The following C10orf67 variants were observed in gnomAD, a reference collection of about 807,000 sequenced individuals.
C10orf67 encodes uncharacterized protein C10orf67, mitochondrial.
In C10orf67, 60 loss-of-function variants were observed where a neutral mutation model predicts 35.6. The ratio of observed to expected loss-of-function variants is 1.68; its 90% confidence interval spans 1.37 to 2.09. The LOEUF is 2.09. Ranked by LOEUF, C10orf67 falls within the 30% of genes most tolerant of loss-of-function variation. The pLI is 0.00. For synonymous variants in C10orf67, 167 were observed against 115.8 expected, an observed-to-expected ratio of 1.44 and a Z score of -2.84; for missense variants, 474 against 330.2, an observed-to-expected ratio of 1.44 and a Z score of -3.38.
chr10:23,241,853 A>T (rs1842188771), intron 12 of C10orf67, among the ~76,000 whole-genome samples: 1 of 152,196 alleles, frequency 6.6e-6, no homozygotes, highest in South Asian at 2.1e-4. Context: ...AAAACTAATG[A>T]TAACAAAAGA....
At chr10:23,317,237 A>T (rs1844755542) in intron 4 of C10orf67, 1 of 152,436 alleles carries the variant, frequency 6.6e-6, no homozygotes, top group Non-Finnish European at 1.5e-5. Flanking sequence ...CTGGGTCATA[A>T]CAGCGCCTGG....
intron 8 of C10orf67, among the ~76,000 whole-genome samples, chr10:23,269,046 C>A (rs964433811): frequency 1.3e-5 from 2 of 152,148 alleles, no homozygotes; most frequent in Non-Finnish European, 2.9e-5. Context: ...GTTTAAAAAT[C>A]ATTTTCTTCA....
At chr10:23,329,356 T>C (rs924063884) in intron 2 of C10orf67, among the ~76,000 whole-genome samples, 2 of 151,992 alleles carry the variant, frequency 1.3e-5, no homozygotes, top group Non-Finnish European at 2.9e-5. Flanking sequence ...TAGAAAAACA[T>C]AACATCAAAA....
In C10orf67 at chr10:23,344,589, C is replaced by A; in HGVS notation, c.186G>T (p.Pro62=). The part of the protein sequence containing the change: ...RKREAREFKP[P]QMRGSTRLNI... The stretch of plus-strand genomic sequence containing the variant: ...CCTACCTCGTGGACCCGCGCATTTG[C>A]GGGGGCTTGAATTCCCGAGCTTCTC... The change falls in exon 1 of 16, where the codon CCG becomes CCT. Residue 62 remains proline, a synonymous_variant. Transcript: ENST00000636213. 2 of 1,578,592 alleles carry A rather than the reference C, an allele frequency of 1.3e-6. No individual in the cohort carries two copies. The highest frequency in any genetic ancestry group is 1.7e-6 in the Non-Finnish European group (2 of 1,163,152).
chr10:23,313,232 C>CT (rs1844565796), intron 4 of C10orf67, among the ~76,000 whole-genome samples: 1 of 152,230 alleles, frequency 6.6e-6, no homozygotes, highest in African/African-American at 2.4e-5. Flanking sequence ...TATTATCTCT[C>CT]TTGACCACTG....
In C10orf67 at chr10:23,342,578, G is replaced by A. The variant is rs188632261; in HGVS notation, c.206+1991C>T. On this transcript the variant is annotated intron_variant, in intron 1 of 15. Coordinates refer to ENST00000636213, the MANE Select transcript of C10orf67 (RefSeq NM_001371909.1). ...GAGCCTGGCAAGTGCATTTTTTTTT[G>A]GGAGCTACCCCACCATGGAATGCCA... 7.8e-4 allele frequency among the ~76,000 whole-genome samples: 119 copies of A among 151,614 alleles called. 5 individuals carry two copies. The East Asian group carries it at 0.015, about 19-fold the overall frequency.
chr10:23,319,056 G>A, intron 4 of C10orf67: 1 of 657,824 alleles, frequency 1.5e-6, no homozygotes, highest in Non-Finnish European at 2.8e-6. Context: ...TTATTACATG[G>A]GTAAATTGCA....
intron 15 of C10orf67, among the ~76,000 whole-genome samples, chr10:23,208,433 G>A (rs946153901): frequency 6.6e-6 from 1 of 152,156 alleles, no homozygotes; most frequent in Non-Finnish European, 1.5e-5. Context: ...ATTCTGAAGA[G>A]CAAGGTAGCG....
At chr10:23,244,871 A>G (rs1295315044) in intron 12 of C10orf67, among the ~76,000 whole-genome samples, 1 of 152,220 alleles carries the variant, frequency 6.6e-6, no homozygotes. Context: ...ATGGAAACAT[A>G]GAAGACCCCA....
At chr10:23,228,898 C>T (rs1384943923) in intron 13 of C10orf67, among the ~76,000 whole-genome samples, 1 of 152,088 alleles carries the variant, frequency 6.6e-6, no homozygotes, top group Non-Finnish European at 1.5e-5. Flanking sequence ...CATCTCACAC[C>T]AATTAGAATG....
chr10:23,297,959 C>A (rs1317890279), intron 5 of C10orf67, among the ~76,000 whole-genome samples: 1 of 152,182 alleles, frequency 6.6e-6, no homozygotes, highest in African/African-American at 2.4e-5. Context: ...TACCCGTAAA[C>A]AATGAGGCCA....
At chr10:23,242,695 A>G (rs1842214675) in intron 12 of C10orf67, among the ~76,000 whole-genome samples, 1 of 152,182 alleles carries the variant, frequency 6.6e-6, no homozygotes, top group Non-Finnish European at 1.5e-5. Flanking sequence ...AATTTCTAAA[A>G]CACTGCAATA....
At chr10:23,289,805 A>C in intron 7 of C10orf67, 95 bp downstream of exon 7, 1 of 641,822 alleles carries the variant, frequency 1.6e-6, no homozygotes, top group South Asian at 2.0e-5. Flanking sequence ...ACTTTCCTCT[A>C]TGTCATAAGA....
chr10:23,268,276 C>G (rs111569338), intron 8 of C10orf67, among the ~76,000 whole-genome samples: 397 of 152,280 alleles, frequency 2.6e-3, no homozygotes, highest in African/African-American at 9.3e-3. Context: ...ACCTAGGCAA[C>G]AGAGTGAGAC....
intron 15 of C10orf67, among the ~76,000 whole-genome samples, chr10:23,209,083 G>T (rs1564453844): frequency 1.3e-5 from 2 of 151,986 alleles, no homozygotes; most frequent in African/African-American, 4.8e-5. Flanking sequence ...AAACAGCAGG[G>T]CACTGCAAGT....
chr10:23,273,438 C>T (rs1843086982), intron 8 of C10orf67, among the ~76,000 whole-genome samples: 1 of 152,162 alleles, frequency 6.6e-6, no homozygotes, highest in African/African-American at 2.4e-5. Context: ...CTGCTTCTGG[C>T]TCCATTATTT....
chr10:23,266,818 A>G (rs191804041), intron 9 of C10orf67, among the ~76,000 whole-genome samples: 3 of 152,292 alleles, frequency 2.0e-5, no homozygotes, highest in Admixed American at 6.5e-5. Flanking sequence ...ATGCCCCGCT[A>G]GCTGGCTTTT....
At position 23,291,219 on chromosome 10, in the gene C10orf67, A is replaced by T. The variant is rs199788460; in HGVS notation, c.763T>A (p.Tyr255Asn). ...KSNLEKENLE[Y>N]KVENERLLQI... ...AGCAGCCTCTCATTTTCCACTTTGT[A>T]CTCCAAATTTTCCTTTTCTAGGTTT... Residue 255 changes from tyrosine (Y) to asparagine (N), a missense_variant, in exon 6 of 16, where the codon TAC (tyrosine) becomes AAC (asparagine). Physicochemically the swap from Tyr to Asn is moderately radical, Grantham distance 143 (BLOSUM62 -2). Transcript: ENST00000636213. 1 of 716,992 alleles carries T rather than the reference A, an allele frequency of 1.4e-6. No individual in the cohort carries two copies. The highest frequency in any genetic ancestry group is 2.6e-6 in the Non-Finnish European group (1 of 384,966). The allele number at this position is 716,992 out of a possible 1,614,324, so 44.4% of individuals were successfully genotyped here. A position where few individuals can be genotyped will look rare whatever the true frequency, so the allele number is the denominator to read the frequency against.
intron 4 of C10orf67, among the ~76,000 whole-genome samples, chr10:23,309,569 A>G (rs1844418666): frequency 6.6e-6 from 1 of 152,232 alleles, no homozygotes; most frequent in Non-Finnish European, 1.5e-5. Context: ...CAAAACAAAG[A>G]TTGCATGACA....
Sources: gnomAD v4.1 joint callset for allele counts (sites outside exome capture counted in the v4.1 genomes callset) on GRCh38, gnomAD v4.1.1 for gene constraint, MANE v1.5 for transcripts, NCBI Gene and HGNC (gene_info 2026-07-23, HGNC 2026-07-21) for gene names.